ZBTB20: variants seen among roughly 807,000 people sequenced by gnomAD.
ZBTB20 encodes zinc finger and BTB domain-containing protein 20.
ZBTB20 carries 9 observed loss-of-function variants against 56.9 expected under a neutral mutation model. That is an observed-to-expected ratio of 0.16 (90% confidence interval 0.10 to 0.28). The LOEUF is 0.28. Among genes scored for constraint, ZBTB20 ranks in the 10% least tolerant of loss-of-function variants. The pLI is 1.00. For missense variants in ZBTB20, 655 were observed against 1,003.0 expected (o/e 0.65, Z 4.69); for synonymous variants, 417 against 420.7 (o/e 0.99, Z 0.11).
At chr3:114,703,923 C>T (rs2063552485) in intron 5 of ZBTB20, among the ~76,000 whole-genome samples, 1 of 152,148 alleles carries the variant, frequency 6.6e-6, no homozygotes, top group Non-Finnish European at 1.5e-5. Context: ...ATCCAGGTGT[C>T]ACATTTGCCA....
chr3:115,124,317 C>T (rs1199098917), intron 1 of ZBTB20, among the ~76,000 whole-genome samples: 1 of 152,148 alleles, frequency 6.6e-6, no homozygotes, highest in African/African-American at 2.4e-5. Flanking sequence ...GTTGCCATTA[C>T]ATTTTGTTGG....
At chr3:114,956,471 G>A (rs2077250449) in intron 3 of ZBTB20, among the ~76,000 whole-genome samples, 1 of 152,100 alleles carries the variant, frequency 6.6e-6, no homozygotes, top group Non-Finnish European at 1.5e-5. Context: ...AAGACATACT[G>A]AAATCACTAG....
chr3:114,592,634 T>A (rs1202740148), intron 6 of ZBTB20, among the ~76,000 whole-genome samples: 6 of 152,136 alleles, frequency 3.9e-5, no homozygotes. Context: ...TGTGCAAGAG[T>A]CTGAATTTCT....
chr3:114,455,009 G>A (rs889004881), intron 7 of ZBTB20, among the ~76,000 whole-genome samples: 6 of 147,104 alleles, frequency 4.1e-5, no homozygotes, highest in African/African-American at 1.3e-4. Flanking sequence ...CCGAGGGAGG[G>A]AGAGAGAGAC....
At chr3:114,679,266 A>G (rs768221221) in intron 6 of ZBTB20, among the ~76,000 whole-genome samples, 2 of 152,210 alleles carry the variant, frequency 1.3e-5, no homozygotes, top group Non-Finnish European at 2.9e-5. Context: ...TGGCAACAAA[A>G]ACCCAAAATT....
At chr3:115,133,966 T>C (rs2084583238) in intron 1 of ZBTB20, among the ~76,000 whole-genome samples, 1 of 152,260 alleles carries the variant, frequency 6.6e-6, no homozygotes. Context: ...ATCACATTGA[T>C]CTTTCCAAAG....
intron 2 of ZBTB20, among the ~76,000 whole-genome samples, chr3:115,036,222 G>T (rs191489760): frequency 7.3e-5 from 11 of 151,696 alleles, no homozygotes; most frequent in Admixed American, 2.0e-4. Flanking sequence ...GAATAAGGTG[G>T]TGTATTTTAT....
chr3:114,876,704 A>C (rs927196795), intron 4 of ZBTB20, among the ~76,000 whole-genome samples: 3 of 152,244 alleles, frequency 2.0e-5, no homozygotes, highest in African/African-American at 7.2e-5. Context: ...ATTACTATTA[A>C]TTTGGGACTA....
intron 10 of ZBTB20, among the ~76,000 whole-genome samples, chr3:114,353,185 G>A (rs2080861652): frequency 6.6e-6 from 1 of 152,136 alleles, no homozygotes; most frequent in Non-Finnish European, 1.5e-5. Context: ...AGTGAAATAA[G>A]TGGGCTTTCA....
chr3:114,317,900 G>C lies in ZBTB20; in HGVS notation c.*21105C>G, dbSNP rs2078748818. On this transcript the variant is annotated 3_prime_UTR_variant, in exon 12 of 12. Transcript: ENST00000675478. ...AAAGGGGAACAAGAGAGAGTTTTTA[G>C]ACAGAAGAAAGGAAAAAGGAAGAAA... 6.6e-6 allele frequency: 1 copy of C among 152,182 alleles called. No homozygotes were observed. The highest frequency in any genetic ancestry group is 1.5e-5 in the Non-Finnish European group (1 of 68,044). The allele number at this position is 152,182 out of a possible 1,614,324, so 9.4% of individuals were successfully genotyped here.
At chr3:114,969,231 G>A (rs1398366639) in intron 3 of ZBTB20, among the ~76,000 whole-genome samples, 3 of 152,114 alleles carry the variant, frequency 2.0e-5, no homozygotes, top group Non-Finnish European at 4.4e-5. Flanking sequence ...GCTAGAAAAT[G>A]GAAAGAAGGG....
intron 2 of ZBTB20, among the ~76,000 whole-genome samples, chr3:114,996,496 T>C (rs2079033475): frequency 6.6e-6 from 1 of 151,974 alleles, no homozygotes; most frequent in Non-Finnish European, 1.5e-5. Context: ...CTGAGAATGA[T>C]GGTTTCCAGC....
chr3:114,891,825 T>C lies in ZBTB20; in HGVS notation c.-417+8479A>G, dbSNP rs1560368903. Among the ~76,000 whole-genome samples, 13 of 152,270 alleles carry C rather than the reference T, an allele frequency of 8.5e-5. No individual in the cohort carries two copies. In the South Asian group the frequency reaches 2.3e-3, roughly 27 times the overall value. On this transcript the variant is annotated intron_variant, in intron 4 of 11. Coordinates refer to ENST00000675478, the MANE Select transcript of ZBTB20 (RefSeq NM_001348800.3). ...ACTTTGGGAGGCCCAGGCAGGTGGA[T>C]TGCCTGAGCTCAGGAGTTTGAGACC...
chr3:114,910,189 T>A (rs972350870), intron 3 of ZBTB20, among the ~76,000 whole-genome samples: 2 of 151,892 alleles, frequency 1.3e-5, no homozygotes, highest in African/African-American at 2.4e-5. Flanking sequence ...TATGAACAAT[T>A]TTGTAGAAAA....
intron 3 of ZBTB20, among the ~76,000 whole-genome samples, chr3:114,955,536 C>A (rs1430966521): frequency 3.3e-5 from 5 of 152,180 alleles, no homozygotes; most frequent in African/African-American, 1.2e-4. Context: ...TCTTTTCACA[C>A]TGCCCAACTG....
At position 114,339,838 on chromosome 3, in the gene ZBTB20, A is replaced by C. The variant is rs2079626421; in HGVS notation, c.1805-412T>G. On this transcript the variant is annotated intron_variant, in intron 11 of 11. Transcript: ENST00000675478. This position sits in a 1 kb window ranked among gnomAD's most constrained non-coding sequence, Gnocchi z 4.2. The stretch of plus-strand genomic sequence containing the variant: ...CAAATAGAAGAAATAAGAGAGAAGA[A>C]AGATCGTTGGAGACATGGGGTGCTC... 6.6e-6 allele frequency among the ~76,000 whole-genome samples: 1 copy of C among 152,298 alleles called. No homozygotes were observed. The highest frequency in any genetic ancestry group is 2.1e-4 in the South Asian group (1 of 4,828).
intron 1 of ZBTB20, among the ~76,000 whole-genome samples, chr3:115,129,676 G>A (rs528013745): frequency 2.6e-5 from 4 of 152,244 alleles, no homozygotes; most frequent in Non-Finnish European, 2.9e-5. Context: ...CATTTAATAA[G>A]TCAAAACATA....
At chr3:114,983,473 A>G (rs2078412614) in intron 2 of ZBTB20, among the ~76,000 whole-genome samples, 1 of 152,010 alleles carries the variant, frequency 6.6e-6, no homozygotes, top group East Asian at 1.9e-4. Flanking sequence ...TCTTGTCTTC[A>G]TATTTCATGG....
intron 7 of ZBTB20, among the ~76,000 whole-genome samples, chr3:114,394,521 T>C: frequency 6.6e-6 from 1 of 152,310 alleles, no homozygotes; most frequent in Non-Finnish European, 1.5e-5. Context: ...GTATAGTCCC[T>C]TCCCTCCTCC....
Sources: allele counts gnomAD v4.1 joint callset (sites outside exome capture counted in the v4.1 genomes callset), GRCh38; gene constraint gnomAD v4.1.1; non-coding constraint Gnocchi (gnomAD v3.1); transcripts MANE v1.5; gene names NCBI Gene and HGNC (gene_info 2026-07-23, HGNC 2026-07-21).